LCP2: variants seen among roughly 807,000 people sequenced by gnomAD.
LCP2 encodes lymphocyte cytosolic protein 2, also known as 76 kDa tyrosine phosphoprotein.
Under a neutral mutation model 74.5 loss-of-function variants are expected in LCP2, and 29 were observed. That is an observed-to-expected ratio of 0.39 (90% CI 0.29 to 0.53). The LOEUF is 0.53. Among genes scored for constraint, LCP2 ranks in the 20% least tolerant of loss-of-function variants. The pLI is 0.72. For synonymous variants in LCP2, 228 were observed against 229.5 expected, an observed-to-expected ratio of 0.99 and a Z score of 0.06; for missense variants, 604 against 634.6, an observed-to-expected ratio of 0.95 and a Z score of 0.52.
chr5:170,291,437 C>G (rs993022191), intron 2 of LCP2, among the ~76,000 whole-genome samples: 1 of 152,212 alleles, frequency 6.6e-6, no homozygotes, highest in Non-Finnish European at 1.5e-5. Flanking sequence ...GGGACAGGCA[C>G]TGGATTCTTC....
intron 3 of LCP2, among the ~76,000 whole-genome samples, chr5:170,276,868 G>A (rs1282302520): frequency 6.6e-6 from 1 of 151,892 alleles, no homozygotes; most frequent in Non-Finnish European, 1.5e-5. Flanking sequence ...ATGAAGTCAA[G>A]AGATCGAGAC....
intron 8 of LCP2, among the ~76,000 whole-genome samples, chr5:170,268,184 A>T (rs1761804299): frequency 6.6e-6 from 1 of 152,212 alleles, no homozygotes; most frequent in South Asian, 2.1e-4. Flanking sequence ...GGAAGTAAAT[A>T]AAAACCACCA....
At position 170,271,024 on chromosome 5, in the gene LCP2, A is replaced by G. The variant is rs315744; in HGVS notation, c.325-107T>C. ...AAGCCTCACAACAGTATAACCCGGG[A>G]CCAGGCAGCCTGAAGATGGTTACTC... On this transcript the variant is annotated intron_variant, in intron 6 of 20. Coordinates refer to ENST00000046794, the MANE Select transcript of LCP2 (RefSeq NM_005565.5). The G allele has an allele frequency of 0.53, 511,773 of 962,866 alleles. 139,447 individuals are homozygous for G. Among genetic ancestry groups the G allele is most frequent in the East Asian group, 0.87 (27,699 of 31,912 alleles). 59.6% of individuals were successfully genotyped at this position (962,866 alleles called of 1,614,324 possible).
In LCP2 at chr5:170,274,284, G is replaced by A. The variant is rs368285702; in HGVS notation, c.324+17C>T. 88 of 1,612,332 alleles carry A rather than the reference G, an allele frequency of 5.5e-5. No individual in the cohort carries two copies. The highest frequency in any genetic ancestry group is 6.8e-5 in the Non-Finnish European group (80 of 1,179,250). ...ACACTGCTGTAAAGGTGCAAGAACA[G>A]CCCACACCATACTCACAAAGGACGA... On this transcript the variant is annotated intron_variant, in intron 6 of 20. Transcript: ENST00000046794.
At chr5:170,289,374 G>A (rs1762237190) in intron 2 of LCP2, among the ~76,000 whole-genome samples, 2 of 152,140 alleles carry the variant, frequency 1.3e-5, no homozygotes, top group African/African-American at 4.8e-5. Context: ...CTGACCACTG[G>A]AAAGATCTGG....
rs1408463586 is a variant in LCP2, at chr5:170,258,022, G to T, written c.1100+15C>A. 1.9e-6 allele frequency: 3 copies of T among 1,613,046 alleles called. No homozygotes were observed. The highest frequency in any genetic ancestry group is 2.7e-5 in the African/African-American group (2 of 74,914). ...ACATTATATTAAGCTAGAATTTCAT[G>T]ACAGAGCTACAAACCTTTCTGAGAA... On this transcript the variant is annotated intron_variant, in intron 16 of 20. Transcript: ENST00000046794.
At chr5:170,291,118 G>A (rs1334904483) in intron 2 of LCP2, among the ~76,000 whole-genome samples, 1 of 119,474 alleles carries the variant, frequency 8.4e-6, no homozygotes, top group Non-Finnish European at 2.0e-5. Flanking sequence ...AGGGAAAAGA[G>A]GGAAGGGGAG....
chr5:170,256,588 A>G lies in LCP2; in HGVS notation c.1101-13T>C, dbSNP rs769583111. 4.4e-6 allele frequency: 7 copies of G among 1,601,758 alleles called. No individual in the cohort carries two copies. In the South Asian group the frequency reaches 7.7e-5, roughly 18 times the overall value. On this transcript the variant is annotated splice_polypyrimidine_tract_variant and intron_variant, in intron 16 of 20. Transcript: ENST00000046794. The surrounding 1 kb of genome is among the most constrained non-coding windows in gnomAD (Gnocchi z 4.5). Reference sequence around the variant, plus strand: ...AAAACTGCTGTTACTGAGGAGACAGAAAAAGAACAAAATTTATTTGGATTG... The same window carrying G: ...AAAACTGCTGTTACTGAGGAGACAGGAAAAGAACAAAATTTATTTGGATTG...
Position 170,266,811 on chromosome 5 carries a change from G to C in LCP2, c.769C>G (p.Leu257Val), listed in dbSNP as rs771729219. The change falls in exon 10 of 21, where the codon CTA becomes GTA. Residue 257 changes from leucine (L) to valine (V), a missense_variant. Leu to Val is a conservative substitution (Grantham distance 32). Transcript: ENST00000046794. ...ATTAAATGTGAATCATACCCACCTA[G>C]TGTGAAGGGTTCTCTATCAAACGGA... ...LAPFDREPFT[L>V]GKKPPFSDKP... 6.2e-7 allele frequency: 1 copy of C among 1,612,258 alleles called. No homozygotes were observed. The highest frequency in any genetic ancestry group is 1.1e-5 in the South Asian group (1 of 91,032).
In LCP2 at chr5:170,253,318, C is replaced by T. The variant is rs186531251; in HGVS notation, c.1151-105G>A. ...CCACTCCCCCAAAAAAATACCCTTG[C>T]GATTGGTCCTATAGTTCGCATTTTA... On this transcript the variant is annotated intron_variant, in intron 17 of 20. Coordinates refer to ENST00000046794, the MANE Select transcript of LCP2 (RefSeq NM_005565.5). 230 of 715,410 alleles carry T rather than the reference C, an allele frequency of 3.2e-4. No homozygotes were observed. In the African/African-American group the frequency reaches 3.5e-3, roughly 11 times the overall value. The allele number at this position is 715,410 out of a possible 1,614,324, so 44.3% of individuals were successfully genotyped here.
In LCP2 at chr5:170,289,613, TTCTTTTTCTTTCTTTC is replaced by T. The variant is rs1365405602; in HGVS notation, c.142-1613_142-1598del. 3.1e-3 allele frequency among the ~76,000 whole-genome samples: 440 copies of T among 143,944 alleles called. 1 individual carries two copies. The highest frequency in any genetic ancestry group is 5.2e-3 in the Non-Finnish European group (343 of 66,106). 94.4% of individuals were successfully genotyped at this position (143,944 alleles called of 152,430 possible). On this transcript the variant is annotated intron_variant, in intron 2 of 20. Coordinates refer to ENST00000046794, the MANE Select transcript of LCP2 (RefSeq NM_005565.5). ...TCCTTTTCTTTCTTTCTTTCTTTCT[TTCTTTTTCTTTCTTTC>T]TTTCTTTCTTTCTTTCTTTCTTTCT...
intron 2 of LCP2, among the ~76,000 whole-genome samples, chr5:170,291,248 A>AGG (rs1762292390): frequency 6.6e-6 from 1 of 152,000 alleles, no homozygotes; most frequent in Non-Finnish European, 1.5e-5. Flanking sequence ...GAAGGAAGGA[A>AGG]AAATAACTAG....
At chr5:170,281,339 C>A (rs568552615) in intron 3 of LCP2, among the ~76,000 whole-genome samples, 2 of 151,896 alleles carry the variant, frequency 1.3e-5, no homozygotes, top group Non-Finnish European at 2.9e-5. Context: ...GAGTGCAGTG[C>A]CACGATCTTG....
chr5:170,248,701 G>T lies in LCP2; in HGVS notation c.1598C>A (p.Pro533Gln). Residue 533 changes from proline to glutamine, a missense_variant, in exon 21 of 21, where the codon CCA becomes CAA. Physicochemically the swap from Pro to Gln is moderately conservative, Grantham distance 76 (BLOSUM62 -1). Coordinates refer to ENST00000046794, the MANE Select transcript of LCP2 (RefSeq NM_005565.5). ...CATTTGCTCGGCTATAACTTGCTAT[G>T]GGTACCCTGCAGCATGCGTTAATGT... ...QCTLTHAAGY[P>Q] The T allele has an allele frequency of 6.2e-7, 1 of 1,611,982 alleles. No individual in the cohort carries two copies. The highest frequency in any genetic ancestry group is 1.1e-5 in the South Asian group (1 of 90,796).
At chr5:170,294,745 A>G (rs1247259463) in intron 1 of LCP2, among the ~76,000 whole-genome samples, 2 of 152,230 alleles carry the variant, frequency 1.3e-5, no homozygotes, top group East Asian at 1.9e-4. Context: ...TATCCCCTTT[A>G]TCTACAGGCA....
At chr5:170,290,932 GAA>G (rs142288884) in intron 2 of LCP2, among the ~76,000 whole-genome samples, 7,007 of 135,522 alleles carry the variant, frequency 0.052, 229 homozygotes, top group Admixed American at 0.072. Flanking sequence ...AGAAGAGAGA[GAA>G]AGAAGAAAGA....
chr5:170,289,633 C>CTTAA, intron 2 of LCP2, among the ~76,000 whole-genome samples: 1 of 103,532 alleles, frequency 9.7e-6, no homozygotes, highest in Non-Finnish European at 1.9e-5. Context: ...TTCTTTCTTT[C>CTTAA]TTTCTTTCTT....
chr5:170,264,978 C>CTTTTTTTT (rs58508083), intron 10 of LCP2, among the ~76,000 whole-genome samples: 12 of 109,004 alleles, frequency 1.1e-4, no homozygotes, highest in African/African-American at 4.5e-4. Context: ...CAAAATTTGC[C>CTTTTTTTT]TTTTTTTTTT....
intron 3 of LCP2, 74 bp from the exon 4 acceptor site, chr5:170,275,934 C>T (rs888909749): frequency 5.2e-6 from 7 of 1,337,114 alleles, no homozygotes; most frequent in Non-Finnish European, 6.3e-6. Flanking sequence ...CCTTGATATC[C>T]CCTGGTCTAT....
Sources: allele counts gnomAD v4.1 joint callset (sites outside exome capture counted in the v4.1 genomes callset), GRCh38; gene constraint gnomAD v4.1.1; non-coding constraint Gnocchi (gnomAD v3.1); transcripts MANE v1.5; gene names NCBI Gene and HGNC (gene_info 2026-07-23, HGNC 2026-07-21).